The following SLC24A4 variants were observed in gnomAD, a reference collection of about 807,000 sequenced individuals.
The protein encoded by SLC24A4 is sodium/potassium/calcium exchanger 4.
In SLC24A4, 53 loss-of-function variants were observed where a neutral mutation model predicts 79.0. The observed-to-expected ratio is 0.67, with a 90% confidence interval of 0.54 to 0.84. The LOEUF (loss-of-function observed/expected upper bound fraction) is 0.84. Among genes scored for constraint, SLC24A4 ranks in the 40% least tolerant of loss-of-function variants. SLC24A4 has a pLI of 0.00. For synonymous variants in SLC24A4, 323 were observed against 323.8 expected, an observed-to-expected ratio of 1.00 and a Z score of 0.03; for missense variants, 731 against 822.0, an observed-to-expected ratio of 0.89 and a Z score of 1.35.
rs143556098 is a variant in SLC24A4, at chr14:92,470,355, A to G, written c.1256-12325A>G. Among the ~76,000 whole-genome samples, 47 of 152,326 alleles carry G rather than the reference A, an allele frequency of 3.1e-4. No homozygotes were observed. In the East Asian group the frequency reaches 8.7e-3, roughly 28 times the overall value. On this transcript the variant is annotated intron_variant, in intron 12 of 16. Coordinates refer to ENST00000532405, the MANE Select transcript of SLC24A4 (RefSeq NM_153646.4). ...CATGCAAATCTACTCTGCATCATCC[A>G]GTGATGCATGCATCCCTGCAAACCA...
intron 5 of SLC24A4, 62 bp downstream of exon 5, chr14:92,442,235 G>C (rs1892542457): frequency 7.3e-7 from 1 of 1,366,992 alleles, no homozygotes; most frequent in East Asian, 2.3e-5. Flanking sequence ...GCCCAGAGCA[G>C]TGGGGGCATT....
intron 2 of SLC24A4, among the ~76,000 whole-genome samples, chr14:92,331,517 C>T (rs781081912): frequency 4.6e-5 from 7 of 152,168 alleles, no homozygotes; most frequent in Non-Finnish European, 7.4e-5. Context: ...TCCTAAGCTC[C>T]AGCGCTCTGT....
chr14:92,479,077 TA>T (rs1894921136), intron 12 of SLC24A4, among the ~76,000 whole-genome samples: 1 of 152,220 alleles, frequency 6.6e-6, no homozygotes, highest in Non-Finnish European at 1.5e-5. Context: ...TTATTAGTTC[TA>T]ATAGGTTTTT....
Position 92,441,899 on chromosome 14 carries a change from G to C in SLC24A4, c.394-190G>C, listed in dbSNP as rs1027057199. On this transcript the variant is annotated intron_variant, in intron 4 of 16. Coordinates refer to ENST00000532405, the MANE Select transcript of SLC24A4 (RefSeq NM_153646.4). The surrounding 1 kb of genome is among the most constrained non-coding windows in gnomAD (Gnocchi z 4.6). ...GTGGGGAAGGGGCTCTGAGTGGAAT[G>C]CCTGGTGGAGGCTGGAGGGCAGATG... Among the ~76,000 whole-genome samples, 9 of 152,218 alleles carry C rather than the reference G, an allele frequency of 5.9e-5. No homozygotes were observed. Among genetic ancestry groups the C allele is most frequent in the African/African-American group, 2.2e-4 (9 of 41,454 alleles).
chr14:92,427,798 C>A (rs1891648541), intron 2 of SLC24A4, among the ~76,000 whole-genome samples: 1 of 152,244 alleles, frequency 6.6e-6, no homozygotes, highest in Non-Finnish European at 1.5e-5. Context: ...ATGTCCCCAG[C>A]ATTACATAGA....
intron 2 of SLC24A4, among the ~76,000 whole-genome samples, chr14:92,338,630 A>G (rs1885951462): frequency 6.6e-6 from 1 of 152,220 alleles, no homozygotes; most frequent in Admixed American, 6.5e-5. Flanking sequence ...TCCATTGTAC[A>G]TGCCAAGTTC....
intron 2 of SLC24A4, among the ~76,000 whole-genome samples, chr14:92,407,255 A>G (rs1216237883): frequency 6.6e-6 from 1 of 152,232 alleles, no homozygotes; most frequent in Admixed American, 6.5e-5. Context: ...CCTGAACTTC[A>G]TTGTGCATGT....
intron 2 of SLC24A4, among the ~76,000 whole-genome samples, chr14:92,432,995 T>C (rs1466068103): frequency 6.6e-6 from 1 of 152,226 alleles, no homozygotes; most frequent in African/African-American, 2.4e-5. Context: ...TTATTTTTGT[T>C]AATATTTTAA....
chr14:92,383,308 G>A (rs1463071985), intron 2 of SLC24A4, among the ~76,000 whole-genome samples: 1 of 152,170 alleles, frequency 6.6e-6, no homozygotes, highest in Non-Finnish European at 1.5e-5. Context: ...ACCCCTCTGT[G>A]TGGACCCTGG....
At chr14:92,445,748 G>C (rs1278162179) in intron 8 of SLC24A4, among the ~76,000 whole-genome samples, 1 of 152,174 alleles carries the variant, frequency 6.6e-6, no homozygotes, top group African/African-American at 2.4e-5. Context: ...AATCCACACA[G>C]AACAACACAA....
rs543825569 is a variant in SLC24A4 at position 92,392,805 on chromosome 14, G to C, written c.242-41107G>C. On this transcript the variant is annotated intron_variant, in intron 2 of 16. Coordinates refer to ENST00000532405, the MANE Select transcript of SLC24A4 (RefSeq NM_153646.4). ...TCTTCCACTGTGTGAGGTCACATGGGAGGCGCCATCTGTGAGGAATACCTC... is the reference window on the plus strand; with the variant it reads ...TCTTCCACTGTGTGAGGTCACATGGCAGGCGCCATCTGTGAGGAATACCTC... Among the ~76,000 whole-genome samples the C allele has an allele frequency of 4.8e-5, 7 of 146,108 alleles. No individual in the cohort carries two copies. The South Asian group carries it at 1.5e-3, about 31-fold the overall frequency.
chr14:92,413,811 G>A (rs556076726), intron 2 of SLC24A4, among the ~76,000 whole-genome samples: 1 of 152,318 alleles, frequency 6.6e-6, no homozygotes, highest in East Asian at 1.9e-4. Flanking sequence ...AACGAACAGG[G>A]ATTTGCTGTC....
chr14:92,428,791 C>T (rs2139777122), intron 2 of SLC24A4, among the ~76,000 whole-genome samples: 1 of 152,252 alleles, frequency 6.6e-6, no homozygotes, highest in East Asian at 1.9e-4. Flanking sequence ...GGGAGGGGAC[C>T]CCCTAGAGGA....
Position 92,416,217 on chromosome 14 carries a change from C to T in SLC24A4, c.242-17695C>T, listed in dbSNP as rs1323370554. On this transcript the variant is annotated intron_variant, in intron 2 of 16. Coordinates refer to ENST00000532405, the MANE Select transcript of SLC24A4 (RefSeq NM_153646.4). ...AGCTTAGATGTGAGGCCTAACGTGC[C>T]GGGTGAAGAATCCACTATAGGTAAG... Among the ~76,000 whole-genome samples, 7 of 151,756 alleles carry T rather than the reference C, an allele frequency of 4.6e-5. No individual in the cohort carries two copies. The East Asian group carries it at 7.7e-4, about 17-fold the overall frequency.
At chr14:92,404,144 G>A (rs79130783) in intron 2 of SLC24A4, among the ~76,000 whole-genome samples, 2,434 of 152,204 alleles carry the variant, frequency 0.016, 49 homozygotes, top group African/African-American at 0.044. Context: ...AAGAAGCTAC[G>A]GCTCTGACTC....
At chr14:92,329,484 C>A (rs1388883091) in intron 2 of SLC24A4, among the ~76,000 whole-genome samples, 1 of 152,152 alleles carries the variant, frequency 6.6e-6, no homozygotes, top group Non-Finnish European at 1.5e-5. Flanking sequence ...GTACCAGCCA[C>A]CACCCCTCCC....
intron 2 of SLC24A4, among the ~76,000 whole-genome samples, chr14:92,406,644 C>G (rs1890398312): frequency 6.6e-6 from 1 of 152,232 alleles, no homozygotes; most frequent in African/African-American, 2.4e-5. Context: ...TCCTCTGAAA[C>G]AGGGGCTTGA....
chr14:92,332,116 C>T (rs1595125069), intron 2 of SLC24A4, among the ~76,000 whole-genome samples: 1 of 151,894 alleles, frequency 6.6e-6, no homozygotes, highest in African/African-American at 2.4e-5. Context: ...CCCCTCTCTA[C>T]TAAAAATACA....
At chr14:92,354,260 C>T (rs1040349047) in intron 2 of SLC24A4, among the ~76,000 whole-genome samples, 3 of 151,976 alleles carry the variant, frequency 2.0e-5, no homozygotes, top group Non-Finnish European at 4.4e-5. Flanking sequence ...ACGCCATTCT[C>T]CTGCCTTACC....
Sources: gnomAD v4.1 joint callset for allele counts (sites outside exome capture counted in the v4.1 genomes callset) on GRCh38, gnomAD v4.1.1 for gene constraint, Gnocchi (gnomAD v3.1) non-coding constraint, MANE v1.5 for transcripts, NCBI Gene and HGNC (gene_info 2026-07-23, HGNC 2026-07-21) for gene names.